Variants in CTXN1 observed in about 807,000 individuals in gnomAD.
CTXN1 encodes cortexin-1.
In CTXN1, 4 loss-of-function variants were observed where a neutral mutation model predicts 5.5. The observed-to-expected ratio is 0.73, with a 90% confidence interval of 0.36 to 1.68. The LOEUF (loss-of-function observed/expected upper bound fraction) is 1.68. Ranked by LOEUF, CTXN1 falls within the 40% of genes most tolerant of loss-of-function variation. The pLI is 0.05. For missense variants in CTXN1, 111 were observed against 123.0 expected (o/e 0.90, Z 0.46); for synonymous variants, 67 against 62.8 (o/e 1.07, Z -0.32).
chr19:7,925,201 C>A lies in CTXN1; in HGVS notation c.*89G>T, dbSNP rs1983742277. ...CGGGCTGGGGGCTCCGGGGCGGGAT[C>A]CTGAGCGCAGTCCTGGCCCCGCGGC... On this transcript the variant is annotated 3_prime_UTR_variant, in exon 2 of 2. Transcript: ENST00000318978. The surrounding 1 kb of genome is among the most constrained non-coding windows in gnomAD (Gnocchi z 5.0). 4.7e-6 allele frequency: 5 copies of A among 1,074,438 alleles called. No homozygotes were observed. The highest frequency in any genetic ancestry group is 1.7e-5 in the African/African-American group (1 of 60,516). The allele number at this position is 1,074,438 out of a possible 1,614,324, so 66.6% of individuals were successfully genotyped here.
In CTXN1 at chr19:7,925,314, C is replaced by A; in HGVS notation, c.225G>T (p.Gly75=). The A allele has an allele frequency of 6.7e-7, 1 of 1,503,454 alleles. No individual in the cohort carries two copies. The highest frequency in any genetic ancestry group is 8.9e-7 in the Non-Finnish European group (1 of 1,127,638). 93.1% of individuals were successfully genotyped at this position (1,503,454 alleles called of 1,614,324 possible). A position where few individuals can be genotyped will look rare whatever the true frequency, so the allele number is the denominator to read the frequency against. Residue 75 remains glycine, a synonymous_variant, in exon 2 of 2, where the codon GGG becomes GGT. Transcript: ENST00000318978. The surrounding 1 kb of genome is among the most constrained non-coding windows in gnomAD (Gnocchi z 5.0). ...CTCACACCAACGCGTAGTCGAACTG[C>A]CCGCGCTCGAGCGCCTCCTTGTGGT... ...WTDHKEALER[G]QFDYALV
Position 7,925,126 on chromosome 19 carries a change from G to A in CTXN1, c.*164C>T. ...CAGGCCAGGAAGGGACATGGGAGGG[G>A]TCTCGAGGGGGAGGGGCTGGGCTTC... On this transcript the variant is annotated 3_prime_UTR_variant, in exon 2 of 2. Transcript: ENST00000318978. The surrounding 1 kb of genome is among the most constrained non-coding windows in gnomAD (Gnocchi z 5.0). 6.8e-6 allele frequency: 3 copies of A among 440,046 alleles called. No homozygotes were observed. Among genetic ancestry groups the A allele is most frequent in the Non-Finnish European group, 1.1e-5 (3 of 267,124 alleles). 27.3% of individuals were successfully genotyped at this position (440,046 alleles called of 1,614,324 possible).
Position 7,926,020 on chromosome 19 carries a change from G to T in CTXN1, c.-74C>A. 1.3e-5 allele frequency: 2 copies of T among 150,046 alleles called. No individual in the cohort carries two copies. The highest frequency in any genetic ancestry group is 3.6e-4 in the South Asian group (2 of 5,534). 9.3% of individuals were successfully genotyped at this position (150,046 alleles called of 1,614,324 possible). ...CGCCCGGCGGCCGCGCTCTCTCAGG[G>T]ACCCGCGCCGGCTGCGCGTTCGGCC... is the stretch of plus-strand genomic sequence containing the variant. On this transcript the variant is annotated 5_prime_UTR_variant, in exon 1 of 2. Coordinates refer to ENST00000318978, the MANE Select transcript of CTXN1 (RefSeq NM_206833.4).
Position 7,925,601 on chromosome 19 carries a change from G to GCGCC in CTXN1, c.-20-47_-20-44dup, listed in dbSNP as rs1983760499. 5.4e-6 allele frequency: 7 copies of GCGCC among 1,294,340 alleles called. No homozygotes were observed. The East Asian group carries it at 2.2e-4, about 41-fold the overall frequency. 80.2% of individuals were successfully genotyped at this position (1,294,340 alleles called of 1,614,324 possible). A position where few individuals can be genotyped will look rare whatever the true frequency, so the allele number is the denominator to read the frequency against. ...CGCCCCGGGCGCCGGGGATGAGGCTGCGCCCTCCCTCCCGCGCCTCCTCCG... is the reference window on the plus strand; with the variant it reads ...CGCCCCGGGCGCCGGGGATGAGGCTGCGCCCGCCCTCCCTCCCGCGCCTCCTCCG... On this transcript the variant is annotated intron_variant, in intron 1 of 1. Coordinates refer to ENST00000318978, the MANE Select transcript of CTXN1 (RefSeq NM_206833.4). The surrounding 1 kb of genome is among the most constrained non-coding windows in gnomAD (Gnocchi z 5.0).
Position 7,925,454 on chromosome 19 carries a change from G to C in CTXN1, c.85C>G (p.Arg29Gly). ...CAGAGCACGAAGGCGAACACCGTGC[G>C]CTGCTCCGCGTCCAGGCCCGCGCCC... is the stretch of plus-strand genomic sequence containing the variant. Reference protein sequence around the residue: ...PVGAGLDAEQRTVFAFVLCLL... With the variant: ...PVGAGLDAEQGTVFAFVLCLL... The change falls in exon 2 of 2, where the codon CGC (arginine) becomes GGC (glycine). Residue 29 changes from arginine (R) to glycine (G), a missense_variant. Arg to Gly is a moderately radical substitution (Grantham distance 125). Transcript: ENST00000318978. The surrounding 1 kb of genome is among the most constrained non-coding windows in gnomAD (Gnocchi z 5.0). 1 of 1,575,246 alleles carries C rather than the reference G, an allele frequency of 6.3e-7. No individual in the cohort carries two copies.
chr19:7,925,316 C>G lies in CTXN1; in HGVS notation c.223G>C (p.Gly75Arg). The G allele has an allele frequency of 6.6e-7, 1 of 1,505,770 alleles. No homozygotes were observed. Among genetic ancestry groups the G allele is most frequent in the East Asian group, 2.8e-5 (1 of 36,254 alleles). The allele number at this position is 1,505,770 out of a possible 1,614,324, so 93.3% of individuals were successfully genotyped here. A position where few individuals can be genotyped will look rare whatever the true frequency, so the allele number is the denominator to read the frequency against. The change falls in exon 2 of 2, where the codon GGG becomes CGG. Residue 75 changes from glycine (G) to arginine (R), a missense_variant. Transcript: ENST00000318978. This position sits in a 1 kb window ranked among gnomAD's most constrained non-coding sequence, Gnocchi z 5.0. ...WTDHKEALER[G>R]QFDYALV is the part of the protein sequence containing the mutation. ...CACACCAACGCGTAGTCGAACTGCC[C>G]GCGCTCGAGCGCCTCCTTGTGGTCG...
Position 7,925,718 on chromosome 19 carries a change from G to A in CTXN1, c.-20-160C>T, listed in dbSNP as rs1336974384. ...GCCTCGGTCCCCGGGCTACGCCCAT[G>A]CCCGGCCCGCCGGATCGCCGCCACC... On this transcript the variant is annotated intron_variant, in intron 1 of 1. Transcript: ENST00000318978. This position sits in a 1 kb window ranked among gnomAD's most constrained non-coding sequence, Gnocchi z 5.0. 2.0e-5 allele frequency among the ~76,000 whole-genome samples: 3 copies of A among 150,930 alleles called. No homozygotes were observed. Among genetic ancestry groups the A allele is most frequent in the Non-Finnish European group, 3.0e-5 (2 of 67,636 alleles).
chr19:7,924,909 G>C lies in CTXN1; in HGVS notation c.*381C>G, dbSNP rs989920642. On this transcript the variant is annotated 3_prime_UTR_variant, in exon 2 of 2. Coordinates refer to ENST00000318978, the MANE Select transcript of CTXN1 (RefSeq NM_206833.4). ...TTGACGACGGCCAGACAACAGGGGA[G>C]GGAGGAGGGACAAGGGGGTCCCCAC... 2 of 164,664 alleles carry C rather than the reference G, an allele frequency of 1.2e-5. No individual in the cohort carries two copies. The highest frequency in any genetic ancestry group is 1.3e-4 in the Admixed American group (2 of 15,578). The allele number at this position is 164,664 out of a possible 1,614,324, so 10.2% of individuals were successfully genotyped here.
Position 7,925,692 on chromosome 19 carries a change from C to T in CTXN1, c.-20-134G>A. 1 of 774,144 alleles carries T rather than the reference C, an allele frequency of 1.3e-6. No homozygotes were observed. The highest frequency in any genetic ancestry group is 1.8e-6 in the Non-Finnish European group (1 of 571,370). 48.0% of individuals were successfully genotyped at this position (774,144 alleles called of 1,614,324 possible). ...CGTGCCCGACCCCATCCCCCGCCCG[C>T]GCCTCGGTCCCCGGGCTACGCCCAT... On this transcript the variant is annotated intron_variant, in intron 1 of 1. Coordinates refer to ENST00000318978, the MANE Select transcript of CTXN1 (RefSeq NM_206833.4). This position sits in a 1 kb window ranked among gnomAD's most constrained non-coding sequence, Gnocchi z 5.0.
Position 7,925,723 on chromosome 19 carries a change from G to T in CTXN1, c.-20-165C>A, listed in dbSNP as rs1280538030. 6.6e-6 allele frequency among the ~76,000 whole-genome samples: 1 copy of T among 151,176 alleles called. No individual in the cohort carries two copies. The highest frequency in any genetic ancestry group is 2.1e-4 in the South Asian group (1 of 4,820). ...GGTCCCCGGGCTACGCCCATGCCCG[G>T]CCCGCCGGATCGCCGCCACCACCAC... is the stretch of plus-strand genomic sequence containing the variant. On this transcript the variant is annotated intron_variant, in intron 1 of 1. Transcript: ENST00000318978. This position sits in a 1 kb window ranked among gnomAD's most constrained non-coding sequence, Gnocchi z 5.0.
Position 7,925,623 on chromosome 19 carries a change from T to C in CTXN1, c.-20-65A>G. The C allele has an allele frequency of 8.0e-7, 1 of 1,247,752 alleles. No individual in the cohort carries two copies. Among genetic ancestry groups the C allele is most frequent in the Non-Finnish European group, 1.0e-6 (1 of 990,190 alleles). The allele number at this position is 1,247,752 out of a possible 1,614,324, so 77.3% of individuals were successfully genotyped here. On this transcript the variant is annotated intron_variant, in intron 1 of 1. Transcript: ENST00000318978. This position sits in a 1 kb window ranked among gnomAD's most constrained non-coding sequence, Gnocchi z 5.0. The stretch of plus-strand genomic sequence containing the variant: ...GCTGCGCCCTCCCTCCCGCGCCTCC[T>C]CCGCTTCGCCCCCTCCTGCCGCCGC...
In CTXN1 at chr19:7,925,615, GCGCCTCCTCCGCTT is replaced by G; in HGVS notation, c.-20-71_-20-58del. On this transcript the variant is annotated intron_variant, in intron 1 of 1. Transcript: ENST00000318978. The surrounding 1 kb of genome is among the most constrained non-coding windows in gnomAD (Gnocchi z 5.0). ...GGGATGAGGCTGCGCCCTCCCTCCC[GCGCCTCCTCCGCTT>G]CGCCCCCTCCTGCCGCCGCCGCCGC... 1 of 1,267,292 alleles carries G rather than the reference GCGCCTCCTCCGCTT, an allele frequency of 7.9e-7. No homozygotes were observed. The highest frequency in any genetic ancestry group is 1.6e-5 in the African/African-American group (1 of 63,750). The allele number at this position is 1,267,292 out of a possible 1,614,324, so 78.5% of individuals were successfully genotyped here.
In CTXN1 at chr19:7,925,527, C is replaced by G; in HGVS notation, c.12G>C (p.Thr4=). 1.2e-5 allele frequency: 17 copies of G among 1,459,242 alleles called. No individual in the cohort carries two copies. The highest frequency in any genetic ancestry group is 1.5e-5 in the Non-Finnish European group (17 of 1,109,736). 90.4% of individuals were successfully genotyped at this position (1,459,242 alleles called of 1,614,324 possible). The change falls in exon 2 of 2, where the codon ACG becomes ACC. Residue 4 remains threonine, a synonymous_variant. Coordinates refer to ENST00000318978, the MANE Select transcript of CTXN1 (RefSeq NM_206833.4). The surrounding 1 kb of genome is among the most constrained non-coding windows in gnomAD (Gnocchi z 5.0). MSA[T]WTLSPEPLPP... ...GCAGGGGCTCCGGCGACAGCGTCCACGTCGCGCTCATGGCTCACATCGCCG... is the reference window on the plus strand; with the variant it reads ...GCAGGGGCTCCGGCGACAGCGTCCAGGTCGCGCTCATGGCTCACATCGCCG...
At position 7,925,285 on chromosome 19, in the gene CTXN1, G is replaced by T; in HGVS notation, c.*5C>A. On this transcript the variant is annotated 3_prime_UTR_variant, in exon 2 of 2. Coordinates refer to ENST00000318978, the MANE Select transcript of CTXN1 (RefSeq NM_206833.4). This position sits in a 1 kb window ranked among gnomAD's most constrained non-coding sequence, Gnocchi z 5.0. ...CGCAGGGCCGGCTAGGGGGCGCCGC[G>T]CCCCTCACACCAACGCGTAGTCGAA... is the stretch of plus-strand genomic sequence containing the variant. 1 of 1,380,272 alleles carries T rather than the reference G, an allele frequency of 7.2e-7. No individual in the cohort carries two copies. Among genetic ancestry groups the T allele is most frequent in the Non-Finnish European group, 9.4e-7 (1 of 1,061,940 alleles). 85.5% of individuals were successfully genotyped at this position (1,380,272 alleles called of 1,614,324 possible).
In CTXN1 at chr19:7,925,864, G is replaced by C; in HGVS notation, c.-21+103C>G. ...GCGAAAGCGCGGCCGCGGCCCGGGC[G>C]CGCGGCGTGGGGACGGTCCCCGCGG... On this transcript the variant is annotated intron_variant, in intron 1 of 1. Transcript: ENST00000318978. This position sits in a 1 kb window ranked among gnomAD's most constrained non-coding sequence, Gnocchi z 5.0. 1 of 179,286 alleles carries C rather than the reference G, an allele frequency of 5.6e-6. No homozygotes were observed. The allele number at this position is 179,286 out of a possible 1,614,324, so 11.1% of individuals were successfully genotyped here.
In CTXN1 at chr19:7,925,960, C is replaced by T. The variant is rs1485995817; in HGVS notation, c.-21+7G>A. On this transcript the variant is annotated splice_region_variant and intron_variant, in intron 1 of 1. Transcript: ENST00000318978. The surrounding 1 kb of genome is among the most constrained non-coding windows in gnomAD (Gnocchi z 5.0). ...CCCCACCGCCCCCGCCCCGGCGCGCCCCTCACCCTGGCTTCGACCCGGACG... is the reference window on the plus strand; with the variant it reads ...CCCCACCGCCCCCGCCCCGGCGCGCTCCTCACCCTGGCTTCGACCCGGACG... 1.3e-5 allele frequency: 2 copies of T among 151,478 alleles called. No individual in the cohort carries two copies. Among genetic ancestry groups the T allele is most frequent in the Non-Finnish European group, 2.9e-5 (2 of 68,124 alleles). 9.4% of individuals were successfully genotyped at this position (151,478 alleles called of 1,614,324 possible).
chr19:7,925,492 G>A lies in CTXN1; in HGVS notation c.47C>T (p.Thr16Met). 3.3e-6 allele frequency: 5 copies of A among 1,525,446 alleles called. No homozygotes were observed. Among genetic ancestry groups the A allele is most frequent in the Non-Finnish European group, 4.4e-6 (5 of 1,143,260 alleles). The allele number at this position is 1,525,446 out of a possible 1,614,324, so 94.5% of individuals were successfully genotyped here. The change falls in exon 2 of 2, where the codon ACG becomes ATG. Residue 16 changes from threonine to methionine, a missense_variant. Thr to Met is a moderately conservative substitution (Grantham distance 81). Coordinates refer to ENST00000318978, the MANE Select transcript of CTXN1 (RefSeq NM_206833.4). The surrounding 1 kb of genome is among the most constrained non-coding windows in gnomAD (Gnocchi z 5.0). ...TLSPEPLPPS[T>M]GPPVGAGLDA... is the part of the protein sequence containing the mutation. ...CAGGCCCGCGCCCACCGGGGGCCCC[G>A]TCGACGGCGGCAGGGGCTCCGGCGA...
At position 7,926,130 on chromosome 19, in the gene CTXN1, A is replaced by G. The variant is rs1599643990; in HGVS notation, c.-184T>C. On this transcript the variant is annotated 5_prime_UTR_variant, in exon 1 of 2. Transcript: ENST00000318978. ...GGAGCGGCGGAGACCGAGGCAGGCAAGCAGCGCGCGAGCCGGGCCGCCGCG... is the reference window on the plus strand; with the variant it reads ...GGAGCGGCGGAGACCGAGGCAGGCAGGCAGCGCGCGAGCCGGGCCGCCGCG... 6.8e-6 allele frequency: 1 copy of G among 146,302 alleles called. No individual in the cohort carries two copies. The highest frequency in any genetic ancestry group is 1.5e-5 in the Non-Finnish European group (1 of 65,962). The allele number at this position is 146,302 out of a possible 1,614,324, so 9.1% of individuals were successfully genotyped here. A position where few individuals can be genotyped will look rare whatever the true frequency, so the allele number is the denominator to read the frequency against.
Position 7,925,194 on chromosome 19 carries a change from G to GT in CTXN1, c.*95_*96insA. 1 of 1,002,096 alleles carries GT rather than the reference G, an allele frequency of 1.0e-6. No individual in the cohort carries two copies. Among genetic ancestry groups the GT allele is most frequent in the Non-Finnish European group, 1.3e-6 (1 of 775,862 alleles). The allele number at this position is 1,002,096 out of a possible 1,614,324, so 62.1% of individuals were successfully genotyped here. On this transcript the variant is annotated 3_prime_UTR_variant, in exon 2 of 2. Coordinates refer to ENST00000318978, the MANE Select transcript of CTXN1 (RefSeq NM_206833.4). The surrounding 1 kb of genome is among the most constrained non-coding windows in gnomAD (Gnocchi z 5.0). Reference sequence around the variant, plus strand: ...TCTCCCCCGGGCTGGGGGCTCCGGGGCGGGATCCTGAGCGCAGTCCTGGCC... The same window carrying GT: ...TCTCCCCCGGGCTGGGGGCTCCGGGGTCGGGATCCTGAGCGCAGTCCTGGCC...
Sources: allele counts gnomAD v4.1 joint callset (sites outside exome capture counted in the v4.1 genomes callset), GRCh38; gene constraint gnomAD v4.1.1; non-coding constraint Gnocchi (gnomAD v3.1); transcripts MANE v1.5; gene names NCBI Gene and HGNC (gene_info 2026-07-23, HGNC 2026-07-21).